NRG3: variants seen among roughly 807,000 people sequenced by gnomAD.
The protein encoded by NRG3 is pro-neuregulin-3, membrane-bound isoform.
Under a neutral mutation model 66.9 loss-of-function variants are expected in NRG3, and 31 were observed. The observed-to-expected ratio is 0.46, with a 90% confidence interval of 0.35 to 0.63. NRG3 has a LOEUF of 0.63. Among genes scored for constraint, NRG3 ranks in the 20% least tolerant of loss-of-function variants. The pLI is 0.00. For synonymous variants in NRG3, 393 were observed against 359.4 expected, an observed-to-expected ratio of 1.09 and a Z score of -1.06; for missense variants, 910 against 878.9, an observed-to-expected ratio of 1.04 and a Z score of -0.45.
At chr10:81,956,747 C>A (rs529055190) in intron 1 of NRG3, among the ~76,000 whole-genome samples, 1 of 152,152 alleles carries the variant, frequency 6.6e-6, no homozygotes, top group Non-Finnish European at 1.5e-5. Context: ...GAAACGTTCA[C>A]AAGATCAAGT....
At chr10:82,679,958 T>C (rs778952471) in intron 2 of NRG3, among the ~76,000 whole-genome samples, 2 of 152,230 alleles carry the variant, frequency 1.3e-5, no homozygotes, top group Non-Finnish European at 2.9e-5. Context: ...TCAAAATATC[T>C]ATTTTGATAT....
At chr10:81,967,813 C>T (rs1239600361) in intron 1 of NRG3, among the ~76,000 whole-genome samples, 1 of 152,042 alleles carries the variant, frequency 6.6e-6, no homozygotes, top group Non-Finnish European at 1.5e-5. Flanking sequence ...AATTTCTGAG[C>T]CATTTTATAT....
At chr10:82,953,851 G>A (rs571436087) in intron 5 of NRG3, among the ~76,000 whole-genome samples, 2 of 151,686 alleles carry the variant, frequency 1.3e-5, no homozygotes, top group East Asian at 1.9e-4. Context: ...TCAGCTACTC[G>A]GGAGGCTGAG....
At chr10:81,942,474 A>C (rs1057109218) in intron 1 of NRG3, among the ~76,000 whole-genome samples, 8 of 152,208 alleles carry the variant, frequency 5.3e-5, no homozygotes, top group African/African-American at 1.7e-4. Context: ...TAGGTGGAGA[A>C]AACAACTGTT....
intron 3 of NRG3, among the ~76,000 whole-genome samples, chr10:82,852,019 A>T (rs1195074616): frequency 6.6e-6 from 1 of 152,154 alleles, no homozygotes; most frequent in Non-Finnish European, 1.5e-5. Context: ...GAGTTGATAA[A>T]AATGAAGCTT....
At chr10:82,034,339 G>A (rs2062700515) in intron 1 of NRG3, among the ~76,000 whole-genome samples, 1 of 151,978 alleles carries the variant, frequency 6.6e-6, no homozygotes, top group South Asian at 2.1e-4. Context: ...TTGAATATAT[G>A]TTGGCACCTG....
chr10:82,701,200 T>C (rs2055849681), intron 2 of NRG3, among the ~76,000 whole-genome samples: 1 of 152,176 alleles, frequency 6.6e-6, no homozygotes, highest in Non-Finnish European at 1.5e-5. Context: ...ACCACAATTT[T>C]CTACCATTTG....
intron 3 of NRG3, among the ~76,000 whole-genome samples, chr10:82,758,561 G>A (rs984717656): frequency 5.9e-5 from 9 of 152,014 alleles, no homozygotes; most frequent in East Asian, 5.8e-4. Context: ...TATTGTCACC[G>A]AATATCTAGG....
At chr10:82,824,631 G>A (rs1236852356) in intron 3 of NRG3, among the ~76,000 whole-genome samples, 1 of 151,674 alleles carries the variant, frequency 6.6e-6, no homozygotes. Flanking sequence ...GTAATATTGA[G>A]CATCTTCTTA....
At chr10:82,631,389 A>G (rs77056587) in intron 2 of NRG3, among the ~76,000 whole-genome samples, 2,235 of 152,214 alleles carry the variant, frequency 0.015, 37 homozygotes, top group Non-Finnish European at 0.019. Flanking sequence ...TGCCATGCCC[A>G]TCGTCTCTAT....
chr10:82,588,860 T>C (rs1037787965), intron 2 of NRG3, among the ~76,000 whole-genome samples: 1 of 152,188 alleles, frequency 6.6e-6, no homozygotes, highest in African/African-American at 2.4e-5. Context: ...CAACAAAAAA[T>C]GGCCTAATAC....
chr10:82,149,062 GTTTTTGTTTTTGT>G (rs1207395718), intron 1 of NRG3, among the ~76,000 whole-genome samples: 9 of 42,302 alleles, frequency 2.1e-4, no homozygotes, highest in South Asian at 6.1e-4. Context: ...TTTTGTTTTT[GTTTTTGTTTTTGT>G]TTTTTTTTTA....
intron 4 of NRG3, among the ~76,000 whole-genome samples, chr10:82,871,514 T>A: frequency 6.6e-6 from 1 of 152,130 alleles, no homozygotes; most frequent in East Asian, 1.9e-4. Context: ...TGAAAAGAGC[T>A]GACATCTTGA....
intron 2 of NRG3, among the ~76,000 whole-genome samples, chr10:82,644,016 G>T (rs780309673): frequency 6.6e-6 from 1 of 152,076 alleles, no homozygotes; most frequent in Non-Finnish European, 1.5e-5. Flanking sequence ...GGGGTTAATT[G>T]AGTTATAGCA....
chr10:82,969,404 C>T (rs1332084370), intron 6 of NRG3, among the ~76,000 whole-genome samples: 1 of 152,162 alleles, frequency 6.6e-6, no homozygotes, highest in African/African-American at 2.4e-5. Flanking sequence ...TTGCAATACA[C>T]AATCAATAAT....
At chr10:82,323,778 A>C (rs1355304683) in intron 1 of NRG3, among the ~76,000 whole-genome samples, 3 of 152,176 alleles carry the variant, frequency 2.0e-5, no homozygotes, top group Admixed American at 1.3e-4. Flanking sequence ...GTTTACTGAT[A>C]TAGATAGTTC....
intron 2 of NRG3, among the ~76,000 whole-genome samples, chr10:82,471,331 G>A (rs1841239519): frequency 6.6e-6 from 1 of 152,022 alleles, no homozygotes; most frequent in African/African-American, 2.4e-5. Context: ...TTCTCCCAGT[G>A]TGCAGGCCTG....
intron 4 of NRG3, among the ~76,000 whole-genome samples, chr10:82,872,138 A>G (rs1320301207): frequency 1.3e-5 from 2 of 152,132 alleles, no homozygotes; most frequent in Non-Finnish European, 2.9e-5. Context: ...GGATTTTGTC[A>G]AATGCTTTCT....
intron 1 of NRG3, among the ~76,000 whole-genome samples, chr10:82,302,149 AAAG>A (rs1235242998): frequency 6.6e-6 from 1 of 151,820 alleles, no homozygotes; most frequent in Non-Finnish European, 1.5e-5. Flanking sequence ...TGACTCCATT[AAAG>A]GTTACCATCT....
Sources: allele counts gnomAD v4.1 joint callset (sites outside exome capture counted in the v4.1 genomes callset), GRCh38; gene constraint gnomAD v4.1.1; transcripts MANE v1.5; gene names NCBI Gene and HGNC (gene_info 2026-07-23, HGNC 2026-07-21).